SP140L: variants seen among roughly 807,000 people sequenced by gnomAD.
SP140L encodes SP140 like nuclear body protein.
Under a neutral mutation model 84.3 loss-of-function variants are expected in SP140L, and 64 were observed. The observed-to-expected ratio is 0.76, with a 90% confidence interval of 0.62 to 0.94. The LOEUF (loss-of-function observed/expected upper bound fraction) is 0.94, where lower values mean the gene tolerates loss of function less well. SP140L is among the 40% of genes least tolerant of loss of function. SP140L has a pLI of 0.00. For missense variants in SP140L, 628 were observed against 692.5 expected, an observed-to-expected ratio of 0.91 and a Z score of 1.05; for synonymous variants, 242 against 236.9, an observed-to-expected ratio of 1.02 and a Z score of -0.20.
intron 2 of SP140L, among the ~76,000 whole-genome samples, chr2:230,348,613 T>G (rs1575455066): frequency 6.6e-6 from 1 of 152,244 alleles, no homozygotes; most frequent in African/African-American, 2.4e-5. Flanking sequence ...TACCTGAATA[T>G]AAGTAGTTTA....
intron 5 of SP140L, among the ~76,000 whole-genome samples, chr2:230,368,881 T>C (rs1046218665): frequency 2.6e-5 from 4 of 152,258 alleles, no homozygotes; most frequent in Admixed American, 2.6e-4. Flanking sequence ...TGTTTCTTGG[T>C]ATATTCTTGA....
intron 2 of SP140L, among the ~76,000 whole-genome samples, chr2:230,334,110 G>A (rs760951706): frequency 6.6e-6 from 1 of 152,154 alleles, no homozygotes; most frequent in Non-Finnish European, 1.5e-5. Flanking sequence ...AATCTGACTA[G>A]AAGCTCTGTG....
chr2:230,354,458 T>G (rs1295306791), intron 2 of SP140L, among the ~76,000 whole-genome samples: 2 of 152,082 alleles, frequency 1.3e-5, no homozygotes, highest in African/African-American at 2.4e-5. Flanking sequence ...CATGATAAAA[T>G]TCTCAGCAAG....
Position 230,400,849 on chromosome 2 carries a change from A to G in SP140L, c.1314-106A>G, listed in dbSNP as rs961481591. 7 of 1,564,836 alleles carry G rather than the reference A, an allele frequency of 4.5e-6. No individual in the cohort carries two copies. In the Admixed American group the frequency reaches 7.4e-5, roughly 16 times the overall value. Reference sequence around the variant, plus strand: ...TCTGGGAGGTGTTCCCCTCCCTCCCATGACTGAGCCCATCAGCCATTCCTG... The same window carrying G: ...TCTGGGAGGTGTTCCCCTCCCTCCCGTGACTGAGCCCATCAGCCATTCCTG... On this transcript the variant is annotated intron_variant, in intron 15 of 18. Coordinates refer to ENST00000415673, the MANE Select transcript of SP140L (RefSeq NM_138402.6).
chr2:230,332,591 T>C (rs138330887), intron 2 of SP140L, among the ~76,000 whole-genome samples: 182 of 152,374 alleles, frequency 1.2e-3, no homozygotes, highest in African/African-American at 4.2e-3. Context: ...ATTTAAATGA[T>C]GTTCATAACC....
chr2:230,359,371 A>G (rs886248736), intron 4 of SP140L, among the ~76,000 whole-genome samples: 1 of 152,210 alleles, frequency 6.6e-6, no homozygotes, highest in Non-Finnish European at 1.5e-5. Context: ...CCACACTGGC[A>G]TCAGATTTAC....
At chr2:230,364,067 T>C (rs1490096937) in intron 5 of SP140L, among the ~76,000 whole-genome samples, 1 of 152,300 alleles carries the variant, frequency 6.6e-6, no homozygotes, top group East Asian at 1.9e-4. Flanking sequence ...TATTATAGCT[T>C]TGTAGTATAT....
intron 5 of SP140L, among the ~76,000 whole-genome samples, chr2:230,367,999 G>T (rs947918200): frequency 6.6e-6 from 1 of 152,196 alleles, no homozygotes. Flanking sequence ...AGAGATGTAA[G>T]TGGTTTACAC....
At chr2:230,393,917 A>G (rs1418547298) in intron 13 of SP140L, among the ~76,000 whole-genome samples, 3 of 152,244 alleles carry the variant, frequency 2.0e-5, no homozygotes, top group African/African-American at 7.2e-5. Flanking sequence ...CACTTGAGAC[A>G]TGTATGAAAC....
intron 5 of SP140L, among the ~76,000 whole-genome samples, chr2:230,368,747 G>A (rs367808495): frequency 6.6e-6 from 1 of 151,568 alleles, no homozygotes; most frequent in Non-Finnish European, 1.5e-5. Context: ...GCTCTTTGTT[G>A]CATTTTTTCA....
intron 2 of SP140L, among the ~76,000 whole-genome samples, chr2:230,351,186 A>G (rs2060353559): frequency 6.6e-6 from 1 of 152,130 alleles, no homozygotes; most frequent in Non-Finnish European, 1.5e-5. Context: ...AATTTAGCGG[A>G]TGTTGCCAAA....
intron 2 of SP140L, among the ~76,000 whole-genome samples, chr2:230,350,725 G>A (rs2060338732): frequency 6.6e-6 from 1 of 152,140 alleles, no homozygotes; most frequent in African/African-American, 2.4e-5. Context: ...AGAGGCAGAT[G>A]AGGGGATTGG....
intron 14 of SP140L, among the ~76,000 whole-genome samples, chr2:230,398,842 C>G (rs546369543): frequency 2.0e-5 from 3 of 152,220 alleles, no homozygotes; most frequent in Non-Finnish European, 4.4e-5. Flanking sequence ...GGGCTGTCCC[C>G]GGCTTCCAGA....
intron 2 of SP140L, among the ~76,000 whole-genome samples, chr2:230,347,213 G>C (rs995980207): frequency 6.6e-6 from 1 of 152,176 alleles, no homozygotes; most frequent in African/African-American, 2.4e-5. Context: ...GGACTCTTTG[G>C]TTGGGCAGGG....
At chr2:230,393,361 T>C in intron 12 of SP140L, 53 bp from the exon 13 acceptor site, 1 of 1,535,300 alleles carries the variant, frequency 6.5e-7, no homozygotes, top group South Asian at 1.3e-5. Context: ...AATGCCAGAC[T>C]CACAAAACAG....
At chr2:230,383,604 CT>C (rs1559449156) in intron 8 of SP140L, 29 bp downstream of exon 8, 1 of 1,583,740 alleles carries the variant, frequency 6.3e-7, no homozygotes, top group East Asian at 2.3e-5. Context: ...GTAGTTACAG[CT>C]TTTGAGTTTA....
At chr2:230,327,497 G>C (rs2059611964) in intron 1 of SP140L, among the ~76,000 whole-genome samples, 196 bp downstream of exon 1, 1 of 152,226 alleles carries the variant, frequency 6.6e-6, no homozygotes, top group African/African-American at 2.4e-5. Context: ...ACAGCTGTTT[G>C]TGTGAGTCCA....
Position 230,385,255 on chromosome 2 carries a change from G to T in SP140L, c.735G>T (p.Ser245=), listed in dbSNP as rs755856695. ...DNSKADGQLV[S]SEKKANMNLK... ...GCAAAGCCGATGGCCAGCTGGTCTC[G>T]AGTGAAAAGAAGGCGAACATGAATC... Residue 245 remains serine, a synonymous_variant, in exon 9 of 19, where the codon TCG becomes TCT. Transcript: ENST00000415673. 1.2e-6 allele frequency: 2 copies of T among 1,613,766 alleles called. No individual in the cohort carries two copies. Among genetic ancestry groups the T allele is most frequent in the African/African-American group, 1.3e-5 (1 of 74,990 alleles).
At chr2:230,395,130 G>A (rs182104429) in intron 13 of SP140L, among the ~76,000 whole-genome samples, 2 of 152,166 alleles carry the variant, frequency 1.3e-5, no homozygotes. Context: ...CACCACACCT[G>A]GCTAATTATT....
Sources: gnomAD v4.1 joint callset for allele counts (sites outside exome capture counted in the v4.1 genomes callset) on GRCh38, gnomAD v4.1.1 for gene constraint, MANE v1.5 for transcripts, NCBI Gene and HGNC (gene_info 2026-07-23, HGNC 2026-07-21) for gene names.